Variants in PRAG1 observed in about 807,000 individuals in gnomAD.
PRAG1 encodes inactive tyrosine-protein kinase PRAG1.
Under a neutral mutation model 95.6 loss-of-function variants are expected in PRAG1, and 110 were observed. The observed-to-expected ratio is 1.15, with a 90% CI of 0.99 to 1.35. PRAG1 has a LOEUF of 1.35. Ranked by LOEUF, PRAG1 falls within the 40% of genes most tolerant of loss-of-function variation. The pLI, the probability that PRAG1 is intolerant of heterozygous loss-of-function variation, is 0.00. For missense variants in PRAG1, 2,554 were observed against 1,864.7 expected (o/e 1.37, Z -6.81); for synonymous variants, 1,052 against 819.4 (o/e 1.28, Z -4.85).
At chr8:8,360,425 T>G (rs749263228) in intron 3 of PRAG1, among the ~76,000 whole-genome samples, 2 of 152,208 alleles carry the variant, frequency 1.3e-5, no homozygotes, top group Non-Finnish European at 2.9e-5. Flanking sequence ...ATTTCTCCTC[T>G]TGCCTCCTCT....
At position 8,328,454 on chromosome 8, in the gene PRAG1, C is replaced by G. The variant is rs1174653970; in HGVS notation, c.2328G>C (p.Ser776=). The G allele has an allele frequency of 1.2e-6, 2 of 1,613,326 alleles. No individual in the cohort carries two copies. Among genetic ancestry groups the G allele is most frequent in the Non-Finnish European group, 1.7e-6 (2 of 1,179,958 alleles). ...TGGTGGGCGAGTGAGCCAGCTCAGACGAGGGACCTGAAGAGGAGAGACAGA... is the reference window on the plus strand; with the variant it reads ...TGGTGGGCGAGTGAGCCAGCTCAGAGGAGGGACCTGAAGAGGAGAGACAGA... ...DSRTCSDGGP[S]SELAHSPTNS... The change falls in exon 5 of 6, where the codon TCG becomes TCC. Residue 776 remains serine, a synonymous_variant. Coordinates refer to ENST00000615670, the MANE Select transcript of PRAG1 (RefSeq NM_001080826.3).
chr8:8,358,977 A>C (rs1344596043), intron 3 of PRAG1, among the ~76,000 whole-genome samples: 1 of 152,264 alleles, frequency 6.6e-6, no homozygotes, highest in Admixed American at 6.5e-5. Context: ...ATGCCTGAGC[A>C]AGCCAAAACT....
At chr8:8,363,899 G>T (rs1799923638) in intron 3 of PRAG1, among the ~76,000 whole-genome samples, 1 of 152,118 alleles carries the variant, frequency 6.6e-6, no homozygotes, top group African/African-American at 2.4e-5. Flanking sequence ...CCAGTATGAG[G>T]TTCACCCATG....
chr8:8,358,320 G>A (rs1799743447), intron 3 of PRAG1, among the ~76,000 whole-genome samples: 1 of 152,154 alleles, frequency 6.6e-6, no homozygotes, highest in Non-Finnish European at 1.5e-5. Context: ...AAACCCCAGA[G>A]GTTCTGCTAT....
At chr8:8,380,978 C>T (rs1387379551) in intron 2 of PRAG1, among the ~76,000 whole-genome samples, 1 of 150,620 alleles carries the variant, frequency 6.6e-6, no homozygotes, top group Admixed American at 6.6e-5. Context: ...GCTTTAAAAT[C>T]ATAGGGAAGG....
intron 3 of PRAG1, among the ~76,000 whole-genome samples, chr8:8,365,814 A>G (rs1585263293): frequency 6.6e-6 from 1 of 151,056 alleles, no homozygotes. Flanking sequence ...ATACACACAC[A>G]TATATATATA....
chr8:8,338,191 T>G (rs943144445), intron 4 of PRAG1, among the ~76,000 whole-genome samples: 7 of 152,196 alleles, frequency 4.6e-5, no homozygotes, highest in African/African-American at 1.7e-4. Context: ...TATCCTACCA[T>G]ATCCCATCCA....
intron 4 of PRAG1, among the ~76,000 whole-genome samples, chr8:8,335,701 C>T (rs1798963666): frequency 6.6e-6 from 1 of 152,136 alleles, no homozygotes; most frequent in African/African-American, 2.4e-5. Flanking sequence ...TCCTTTGGAG[C>T]ACTTCCACCC....
intron 1 of PRAG1, among the ~76,000 whole-genome samples, chr8:8,384,042 G>A (rs1237816383): frequency 5.9e-5 from 9 of 152,144 alleles, no homozygotes; most frequent in Admixed American, 4.6e-4. Flanking sequence ...TGCCTGCTCC[G>A]CGGGATGGAG....
chr8:8,335,786 A>T (rs1187991366), intron 4 of PRAG1, among the ~76,000 whole-genome samples: 2 of 151,588 alleles, frequency 1.3e-5, no homozygotes, highest in African/African-American at 4.8e-5. Flanking sequence ...TTTACATCTT[A>T]TCTTTCTTAT....
At chr8:8,384,994 C>T (rs1440448953) in intron 1 of PRAG1, among the ~76,000 whole-genome samples, 1 of 152,178 alleles carries the variant, frequency 6.6e-6, no homozygotes, top group Non-Finnish European at 1.5e-5. Flanking sequence ...GATACACTCC[C>T]ACCCCATTTC....
At chr8:8,382,824 T>C (rs1233138395) in intron 1 of PRAG1, among the ~76,000 whole-genome samples, 1 of 152,192 alleles carries the variant, frequency 6.6e-6, no homozygotes, top group Non-Finnish European at 1.5e-5. Context: ...GGGGAAACTA[T>C]GGCAAACACA....
At chr8:8,373,663 G>T (rs1460978533) in intron 3 of PRAG1, among the ~76,000 whole-genome samples, 1 of 152,116 alleles carries the variant, frequency 6.6e-6, no homozygotes, top group African/African-American at 2.4e-5. Flanking sequence ...ATGTTGCCCA[G>T]GTTGGTCTCA....
chr8:8,376,892 A>G lies in PRAG1; in HGVS notation c.1517T>C (p.Val506Ala). ...AVGVQWPRGP[V>A]SQNSEVGEEE... Reference sequence around the variant, plus strand: ...TTCACCTACCTCGGAGTTCTGGCTCACAGGCCCTCGTGGCCACTGCACCCC... The same window carrying G: ...TTCACCTACCTCGGAGTTCTGGCTCGCAGGCCCTCGTGGCCACTGCACCCC... The change falls in exon 3 of 6, where the codon GTG becomes GCG. Residue 506 changes from valine to alanine, a missense_variant. Physicochemically the swap from Val to Ala is moderately conservative, Grantham distance 64 (BLOSUM62 0). Coordinates refer to ENST00000615670, the MANE Select transcript of PRAG1 (RefSeq NM_001080826.3). 2.5e-6 allele frequency: 4 copies of G among 1,613,260 alleles called. No homozygotes were observed. The highest frequency in any genetic ancestry group is 3.4e-6 in the Non-Finnish European group (4 of 1,180,022).
chr8:8,355,238 A>C (rs1465736533), intron 3 of PRAG1, among the ~76,000 whole-genome samples: 1 of 152,182 alleles, frequency 6.6e-6, no homozygotes, highest in East Asian at 1.9e-4. Flanking sequence ...GAAAACTATA[A>C]AACATTAAAT....
intron 3 of PRAG1, among the ~76,000 whole-genome samples, chr8:8,358,713 CGA>C (rs1563246002): frequency 6.6e-6 from 1 of 152,214 alleles, no homozygotes; most frequent in African/African-American, 2.4e-5. Context: ...AATCCTGCCA[CGA>C]GAGCACACTG....
At chr8:8,361,733 C>T (rs1258313546) in intron 3 of PRAG1, among the ~76,000 whole-genome samples, 1 of 152,184 alleles carries the variant, frequency 6.6e-6, no homozygotes, top group Non-Finnish European at 1.5e-5. Flanking sequence ...TAAAAGTTGA[C>T]AGACTCAATC....
intron 5 of PRAG1, among the ~76,000 whole-genome samples, chr8:8,325,221 C>T (rs1798596283): frequency 6.6e-6 from 1 of 152,198 alleles, no homozygotes; most frequent in Admixed American, 6.5e-5. Context: ...GCTCCAGGGC[C>T]CCCACGGCCC....
intron 3 of PRAG1, among the ~76,000 whole-genome samples, chr8:8,352,282 A>T (rs529876123): frequency 3.5e-4 from 54 of 152,258 alleles, no homozygotes; most frequent in African/African-American, 1.3e-3. Flanking sequence ...TCACTCTCTT[A>T]TCTGCATCTC....
Sources: allele counts gnomAD v4.1 joint callset (sites outside exome capture counted in the v4.1 genomes callset), GRCh38; gene constraint gnomAD v4.1.1; transcripts MANE v1.5; gene names NCBI Gene and HGNC (gene_info 2026-07-23, HGNC 2026-07-21).